Variants in ADAMTSL3 observed in about 807,000 individuals in gnomAD.
ADAMTSL3 encodes the protein ADAMTS-like protein 3.
In ADAMTSL3, 128 loss-of-function variants were observed where a neutral mutation model predicts 201.7. The observed-to-expected ratio is 0.63, with a 90% CI of 0.55 to 0.73. The LOEUF (loss-of-function observed/expected upper bound fraction) is 0.73, where lower values mean the gene tolerates loss of function less well. Ranked by LOEUF, ADAMTSL3 falls within the 30% of genes least tolerant of loss-of-function variation. ADAMTSL3 has a pLI of 0.00. For missense variants in ADAMTSL3, 1,990 were observed against 2,119.6 expected, an observed-to-expected ratio of 0.94 and a Z score of 1.20; for synonymous variants, 738 against 748.4, an observed-to-expected ratio of 0.99 and a Z score of 0.23.
In ADAMTSL3 at chr15:84,025,483, A is replaced by G. The variant is rs370597946; in HGVS notation, c.4656+47A>G. ...TGTGGACAGCACTATCTGTCCACACAGATAGTGTGATAATAATCACCTTGT... is the reference window on the plus strand; with the variant it reads ...TGTGGACAGCACTATCTGTCCACACGGATAGTGTGATAATAATCACCTTGT... On this transcript the variant is annotated intron_variant, in intron 27 of 29. Transcript: ENST00000286744. 13 of 1,555,988 alleles carry G rather than the reference A, an allele frequency of 8.4e-6. No homozygotes were observed. In the African/African-American group the frequency reaches 1.6e-4, roughly 20 times the overall value.
Position 83,848,972 on chromosome 15 carries a change from C to A in ADAMTSL3, c.728-9794C>A, listed in dbSNP as rs1459141622. Among the ~76,000 whole-genome samples, 4 of 152,168 alleles carry A rather than the reference C, an allele frequency of 2.6e-5. No homozygotes were observed. The East Asian group carries it at 7.7e-4, about 29-fold the overall frequency. On this transcript the variant is annotated intron_variant, in intron 7 of 29. Transcript: ENST00000286744. The stretch of plus-strand genomic sequence containing the variant: ...CCAAGAGATTATCAAGAATCTCTTA[C>A]CACCAAATTTCAATAAGACAGTTTT...
chr15:83,903,943 A>T lies in ADAMTSL3; in HGVS notation c.1700+4212A>T, dbSNP rs1233504331. 1.9e-4 allele frequency among the ~76,000 whole-genome samples: 16 copies of T among 85,288 alleles called. 2 individuals carry two copies. The highest frequency in any genetic ancestry group is 1.1e-3 in the South Asian group (2 of 1,872). 56.0% of individuals were successfully genotyped at this position (85,288 alleles called of 152,430 possible). A position where few individuals can be genotyped will look rare whatever the true frequency, so the allele number is the denominator to read the frequency against. On this transcript the variant is annotated intron_variant, in intron 15 of 29. Transcript: ENST00000286744. The stretch of plus-strand genomic sequence containing the variant: ...AAAAAAAAAAAAAAAAAAAAAAAAA[A>T]AGAAAAAAGAAAGAAAGAAAGAAAG...
intron 4 of ADAMTSL3, among the ~76,000 whole-genome samples, chr15:83,802,349 C>CTT (rs1340132314): frequency 6.6e-6 from 1 of 151,950 alleles, no homozygotes; most frequent in Non-Finnish European, 1.5e-5. Context: ...TCAGAAATCC[C>CTT]ACTTCTAGGT....
chr15:83,817,191 AG>A (rs1567163697), intron 5 of ADAMTSL3, among the ~76,000 whole-genome samples: 1 of 152,254 alleles, frequency 6.6e-6, no homozygotes, highest in Admixed American at 6.5e-5. Context: ...ACTTCCAAAA[AG>A]GATTTAAGGA....
At chr15:83,757,642 A>G (rs1345826267) in intron 3 of ADAMTSL3, among the ~76,000 whole-genome samples, 1 of 152,196 alleles carries the variant, frequency 6.6e-6, no homozygotes, top group Non-Finnish European at 1.5e-5. Context: ...TACTTATGCA[A>G]ATTTCTGCAG....
intron 6 of ADAMTSL3, among the ~76,000 whole-genome samples, chr15:83,831,623 G>A (rs969158004): frequency 3.3e-5 from 5 of 152,078 alleles, no homozygotes; most frequent in Non-Finnish European, 5.9e-5. Context: ...TGACCTCCTG[G>A]GCTCAAGTGA....
chr15:83,983,780 A>T (rs962201066), intron 21 of ADAMTSL3, among the ~76,000 whole-genome samples: 1 of 152,160 alleles, frequency 6.6e-6, no homozygotes, highest in Non-Finnish European at 1.5e-5. Context: ...GCCCCATGAG[A>T]TTGGCAGGGC....
intron 2 of ADAMTSL3, among the ~76,000 whole-genome samples, chr15:83,678,500 T>G (rs1469568443): frequency 3.3e-5 from 5 of 151,924 alleles, no homozygotes; most frequent in Admixed American, 3.3e-4. Context: ...AAATTTAATG[T>G]TATTCAAATT....
intron 17 of ADAMTSL3, among the ~76,000 whole-genome samples, chr15:83,932,491 A>T (rs2066377086): frequency 6.6e-6 from 1 of 152,184 alleles, no homozygotes; most frequent in African/African-American, 2.4e-5. Context: ...GATTCCCCAT[A>T]CAAAGCCAGG....
chr15:83,769,487 A>G (rs930835325), intron 3 of ADAMTSL3, among the ~76,000 whole-genome samples: 1 of 152,248 alleles, frequency 6.6e-6, no homozygotes, highest in African/African-American at 2.4e-5. Context: ...TGAACTGAAC[A>G]GTGGTCTAAT....
intron 3 of ADAMTSL3, among the ~76,000 whole-genome samples, chr15:83,741,206 A>G (rs1025977263): frequency 1.1e-4 from 16 of 150,654 alleles, no homozygotes; most frequent in African/African-American, 3.9e-4. Context: ...ATTAGTTAAT[A>G]TTATATTAAT....
At chr15:83,701,316 C>A (rs1252485518) in intron 2 of ADAMTSL3, among the ~76,000 whole-genome samples, 2 of 152,142 alleles carry the variant, frequency 1.3e-5, no homozygotes, top group Admixed American at 6.5e-5. Context: ...CTCAGTCTTC[C>A]CTTGGACAGG....
At chr15:83,814,006 T>A (rs1482428410) in intron 5 of ADAMTSL3, among the ~76,000 whole-genome samples, 1 of 152,100 alleles carries the variant, frequency 6.6e-6, no homozygotes, top group Non-Finnish European at 1.5e-5. Context: ...TGTATCATAA[T>A]TTGGTAAGGA....
intron 17 of ADAMTSL3, among the ~76,000 whole-genome samples, chr15:83,926,757 A>G (rs2066254162): frequency 1.3e-5 from 2 of 152,052 alleles, no homozygotes; most frequent in African/African-American, 4.8e-5. Flanking sequence ...CTGGGGTCAC[A>G]GGTGCCTGCC....
At chr15:83,894,419 T>C (rs574681613) in intron 13 of ADAMTSL3, among the ~76,000 whole-genome samples, 1 of 152,220 alleles carries the variant, frequency 6.6e-6, no homozygotes, top group Non-Finnish European at 1.5e-5. Flanking sequence ...TTACAAAGAA[T>C]ATCATTTCAA....
intron 19 of ADAMTSL3, among the ~76,000 whole-genome samples, chr15:83,949,966 T>C (rs1040043440): frequency 6.6e-6 from 1 of 152,130 alleles, no homozygotes; most frequent in Non-Finnish European, 1.5e-5. Context: ...GTGGGTTGTG[T>C]CTACTTTGTT....
At chr15:83,956,816 TAAAGATTTATAAA>T (rs2066871844) in intron 19 of ADAMTSL3, among the ~76,000 whole-genome samples, 2 of 152,188 alleles carry the variant, frequency 1.3e-5, no homozygotes, top group Non-Finnish European at 2.9e-5. Flanking sequence ...GGCTGAAGTA[TAAAGATTTATAAA>T]AGCTTCTTCT....
chr15:83,884,338 C>CCTTTTTTTTTTTTTTTT lies in ADAMTSL3; in HGVS notation c.961-763_961-762insCTTTTTTTTTTTTTTTT, dbSNP rs1305026027. Among the ~76,000 whole-genome samples the CCTTTTTTTTTTTTTTTT allele has an allele frequency of 5.2e-5, 6 of 114,486 alleles. 3 individuals carry two copies. The highest frequency in any genetic ancestry group is 3.5e-5 in the Non-Finnish European group (2 of 57,354). The allele number at this position is 114,486 out of a possible 152,430, so 75.1% of individuals were successfully genotyped here. On this transcript the variant is annotated intron_variant, in intron 9 of 29. Coordinates refer to ENST00000286744, the MANE Select transcript of ADAMTSL3 (RefSeq NM_207517.3). ...TGTTACCTCATTGGTGCCCTATTTC[C>CCTTTTTTTTTTTTTTTT]TTTTTTTTTTTTTTTTTTTTTTGAG...
chr15:83,830,209 T>C (rs2064126160), intron 6 of ADAMTSL3, among the ~76,000 whole-genome samples: 1 of 152,144 alleles, frequency 6.6e-6, no homozygotes, highest in South Asian at 2.1e-4. Flanking sequence ...AAGTTGATGT[T>C]TGAATTTAGA....
Sources: allele counts gnomAD v4.1 joint callset (sites outside exome capture counted in the v4.1 genomes callset), GRCh38; gene constraint gnomAD v4.1.1; transcripts MANE v1.5; gene names NCBI Gene and HGNC (gene_info 2026-07-23, HGNC 2026-07-21).